Variants in LCP2 observed in about 807,000 individuals in gnomAD.
LCP2 encodes lymphocyte cytosolic protein 2.
A neutral mutation model predicts 74.5 loss-of-function variants in LCP2; 29 were observed. The ratio of observed to expected loss-of-function variants is 0.39; its 90% CI spans 0.29 to 0.53. LCP2 has a LOEUF of 0.53. Among genes scored for constraint, LCP2 ranks in the 20% least tolerant of loss-of-function variants. LCP2 has a pLI of 0.72. For missense variants in LCP2, 604 were observed against 634.6 expected, an observed-to-expected ratio of 0.95 and a Z score of 0.52; for synonymous variants, 228 against 229.5, an observed-to-expected ratio of 0.99 and a Z score of 0.06.
chr5:170,293,440 C>T, intron 1 of LCP2, 68 bp from the exon 2 acceptor site: 1 of 1,467,682 alleles, frequency 6.8e-7, no homozygotes, highest in African/African-American at 1.4e-5. Flanking sequence ...TCTCCCTTGC[C>T]TGCCCCAGAA....
chr5:170,268,322 C>A (rs1761806785), intron 8 of LCP2, 63 bp downstream of exon 8: 1 of 279,532 alleles, frequency 3.6e-6, no homozygotes, highest in East Asian at 6.0e-5. Flanking sequence ...TTATTTTTCT[C>A]TCTGGCGGAG....
At position 170,256,187 on chromosome 5, in the gene LCP2, ATG is replaced by A. The variant is rs1358526526; in HGVS notation, c.1150+337_1150+338del. 6.6e-6 allele frequency among the ~76,000 whole-genome samples: 1 copy of A among 151,986 alleles called. No individual in the cohort carries two copies. The highest frequency in any genetic ancestry group is 2.4e-5 in the African/African-American group (1 of 41,394). On this transcript the variant is annotated intron_variant, in intron 17 of 20. Coordinates refer to ENST00000046794, the MANE Select transcript of LCP2 (RefSeq NM_005565.5). This position sits in a 1 kb window ranked among gnomAD's most constrained non-coding sequence, Gnocchi z 4.5. ...TGTATGTATGTGTGTATGCATGTGC[ATG>A]TGTGTGCATGTATTGTGTATGTGTA...
chr5:170,270,979 G>T, intron 6 of LCP2, 62 bp from the exon 7 acceptor site: 1 of 1,402,330 alleles, frequency 7.1e-7, no homozygotes, highest in Non-Finnish European at 9.7e-7. Flanking sequence ...CGATGTGCCT[G>T]TGCCTACTCT....
chr5:170,270,711 G>T lies in LCP2; in HGVS notation c.523+8C>A. 1.3e-6 allele frequency: 2 copies of T among 1,564,800 alleles called. No homozygotes were observed. The highest frequency in any genetic ancestry group is 1.7e-6 in the Non-Finnish European group (2 of 1,158,666). Reference sequence around the variant, plus strand: ...CTCGGGCCAGAAAATCCGGAAACGGGCCCTTACCGATGTACATGGAGTTGG... The same window carrying T: ...CTCGGGCCAGAAAATCCGGAAACGGTCCCTTACCGATGTACATGGAGTTGG... On this transcript the variant is annotated splice_region_variant and intron_variant, in intron 7 of 20. Coordinates refer to ENST00000046794, the MANE Select transcript of LCP2 (RefSeq NM_005565.5).
At chr5:170,290,955 A>G (rs868725028) in intron 2 of LCP2, among the ~76,000 whole-genome samples, 6 of 22,924 alleles carry the variant, frequency 2.6e-4, no homozygotes, top group East Asian at 6.1e-4. Context: ...AAGAAAGAAA[A>G]GAAAGAAAGA....
intron 14 of LCP2, among the ~76,000 whole-genome samples, chr5:170,260,814 TC>T (rs1237116228): frequency 6.6e-6 from 1 of 152,258 alleles, no homozygotes; most frequent in Non-Finnish European, 1.5e-5. Context: ...TACTTTATCC[TC>T]TTTTTCTCCT....
At chr5:170,272,593 T>TTTTG (rs1761913604) in intron 6 of LCP2, among the ~76,000 whole-genome samples, 1 of 130,836 alleles carries the variant, frequency 7.6e-6, no homozygotes, top group African/African-American at 3.2e-5. Flanking sequence ...CCATCAAATA[T>TTTTG]TTTCTTTTTT....
chr5:170,295,373 T>A (rs1443418183), intron 1 of LCP2, among the ~76,000 whole-genome samples: 1 of 152,180 alleles, frequency 6.6e-6, no homozygotes, highest in Admixed American at 6.5e-5. Context: ...CGCATTAGGA[T>A]CCATTTGTCT....
rs550002086 is a variant in LCP2, at chr5:170,269,628, G to A, written c.523+1091C>T. ...CCTTGGTTTAATATCACAGCTTAAA[G>A]ATACACCCTCAGGCAAACGCTCCAG... On this transcript the variant is annotated intron_variant, in intron 7 of 20. Coordinates refer to ENST00000046794, the MANE Select transcript of LCP2 (RefSeq NM_005565.5). 1.4e-3 allele frequency among the ~76,000 whole-genome samples: 210 copies of A among 152,322 alleles called. 1 individual carries two copies. Among genetic ancestry groups the A allele is most frequent in the African/African-American group, 4.8e-3 (201 of 41,564 alleles).
In LCP2 at chr5:170,262,955, T is replaced by C. The variant is rs940430712; in HGVS notation, c.798+12A>G. 5 of 1,613,910 alleles carry C rather than the reference T, an allele frequency of 3.1e-6. No individual in the cohort carries two copies. In the African/African-American group the frequency reaches 4.0e-5, roughly 13 times the overall value. On this transcript the variant is annotated intron_variant, in intron 11 of 20. Coordinates refer to ENST00000046794, the MANE Select transcript of LCP2 (RefSeq NM_005565.5). ...CAAACAAACACAACCAAAAAACAAG[T>C]TCACAGCTTACCTTGTCAGAAAATG...
In LCP2 at chr5:170,256,684, CT is replaced by C. The variant is rs1761557750; in HGVS notation, c.1101-110del. The C allele has an allele frequency of 1.3e-6, 1 of 771,150 alleles. No homozygotes were observed. Among genetic ancestry groups the C allele is most frequent in the African/African-American group, 1.7e-5 (1 of 58,632 alleles). The allele number at this position is 771,150 out of a possible 1,614,324, so 47.8% of individuals were successfully genotyped here. A position where few individuals can be genotyped will look rare whatever the true frequency, so the allele number is the denominator to read the frequency against. On this transcript the variant is annotated intron_variant, in intron 16 of 20. Transcript: ENST00000046794. The surrounding 1 kb of genome is among the most constrained non-coding windows in gnomAD (Gnocchi z 4.5). ...GCAAATGCTTCTTGATTTGGTATCACTTTCCCTGCTGCCCCCAAAACCATGG... is the reference window on the plus strand; with the variant it reads ...GCAAATGCTTCTTGATTTGGTATCACTTCCCTGCTGCCCCCAAAACCATGG...
At chr5:170,255,645 A>G (rs1292073430) in intron 17 of LCP2, among the ~76,000 whole-genome samples, 5 of 152,198 alleles carry the variant, frequency 3.3e-5, no homozygotes, top group African/African-American at 1.2e-4. Flanking sequence ...TAAAGTGCCT[A>G]CCAAGTGCCT....
intron 18 of LCP2, 102 bp downstream of exon 18, chr5:170,253,017 A>T: frequency 1.4e-6 from 1 of 701,282 alleles, no homozygotes; most frequent in South Asian, 1.9e-5. Flanking sequence ...AAAATAAAAC[A>T]AAGGGAAGAT....
chr5:170,258,895 A>C lies in LCP2; in HGVS notation c.958-17T>G, dbSNP rs2113160833. The C allele has an allele frequency of 2.6e-6, 4 of 1,557,364 alleles. No homozygotes were observed. The highest frequency in any genetic ancestry group is 3.5e-6 in the Non-Finnish European group (4 of 1,138,474). On this transcript the variant is annotated splice_polypyrimidine_tract_variant and intron_variant, in intron 14 of 20. Coordinates refer to ENST00000046794, the MANE Select transcript of LCP2 (RefSeq NM_005565.5). ...ATCTTCATCCTGGGAAGGGGAAGAA[A>C]AAAAAAGATATTAAGCTATCATCAA...
intron 5 of LCP2, 31 bp from the exon 6 acceptor site, chr5:170,274,369 C>T: frequency 6.2e-7 from 1 of 1,609,714 alleles, no homozygotes; most frequent in Non-Finnish European, 8.5e-7. Context: ...ACCATCAGCA[C>T]TGAAGAAAAG....
intron 20 of LCP2, among the ~76,000 whole-genome samples, chr5:170,249,624 G>A (rs1172426813): frequency 6.6e-6 from 1 of 152,050 alleles, no homozygotes; most frequent in Non-Finnish European, 1.5e-5. Flanking sequence ...GCATGGCACA[G>A]GAGTTCCTTC....
At position 170,248,758 on chromosome 5, in the gene LCP2, T is replaced by C; in HGVS notation, c.1541A>G (p.Asp514Gly). The C allele has an allele frequency of 4.3e-6, 7 of 1,610,482 alleles. No individual in the cohort carries two copies. Among genetic ancestry groups the C allele is most frequent in the Non-Finnish European group, 5.1e-6 (6 of 1,178,770 alleles). ...YFRKMPLLLI[D>G]GKNRGSRYQC... ...GTATCTGGAACCTCGGTTTTTCCCATCAATGAGCAGAAGTGGCATTTTCCT... is the reference window on the plus strand; with the variant it reads ...GTATCTGGAACCTCGGTTTTTCCCACCAATGAGCAGAAGTGGCATTTTCCT... The change falls in exon 21 of 21, where the codon GAT becomes GGT. Residue 514 changes from aspartate (D) to glycine (G), a missense_variant. Asp to Gly is a moderately conservative substitution (Grantham distance 94, BLOSUM62 -1). Coordinates refer to ENST00000046794, the MANE Select transcript of LCP2 (RefSeq NM_005565.5).
At chr5:170,267,703 A>G (rs1761794219) in intron 8 of LCP2, among the ~76,000 whole-genome samples, 1 of 152,152 alleles carries the variant, frequency 6.6e-6, no homozygotes, top group Non-Finnish European at 1.5e-5. Flanking sequence ...GTTTTATGAA[A>G]GCAGGGACCT....
At chr5:170,273,423 A>G (rs1295862720) in intron 6 of LCP2, among the ~76,000 whole-genome samples, 1 of 152,082 alleles carries the variant, frequency 6.6e-6, no homozygotes, top group Non-Finnish European at 1.5e-5. Context: ...TTTTTTTTCC[A>G]ATTAAATACT....
Sources: allele counts gnomAD v4.1 joint callset (sites outside exome capture counted in the v4.1 genomes callset), GRCh38; gene constraint gnomAD v4.1.1; non-coding constraint Gnocchi (gnomAD v3.1); transcripts MANE v1.5; gene names NCBI Gene and HGNC (gene_info 2026-07-23, HGNC 2026-07-21).